The following ASPRV1 variants were observed in gnomAD, a reference collection of about 807,000 sequenced individuals.
ASPRV1 encodes the protein aspartic peptidase retroviral like 1, also known as retroviral-like aspartic protease 1.
ASPRV1 carries 7 observed loss-of-function variants against 11.0 expected under a neutral mutation model. That is an observed-to-expected ratio of 0.64 (90% CI 0.36 to 1.20). The LOEUF (loss-of-function observed/expected upper bound fraction) is 1.20. Ranked by LOEUF, ASPRV1 falls within the 50% of genes most tolerant of loss-of-function variation. The probability of loss-of-function intolerance (pLI) is 0.02; values close to 1 mark genes in which losing one functional copy is unlikely to be tolerated. For missense variants in ASPRV1, 299 were observed against 320.0 expected (o/e 0.93, Z 0.50); for synonymous variants, 136 against 138.4 (o/e 0.98, Z 0.12).
chr2:69,961,271 C>T lies in ASPRV1; in HGVS notation c.166G>A (p.Glu56Lys). 6.2e-7 allele frequency: 1 copy of T among 1,614,146 alleles called. No individual in the cohort carries two copies. The highest frequency in any genetic ancestry group is 8.5e-7 in the Non-Finnish European group (1 of 1,180,012). The change falls in exon 1 of 1, where the codon GAG becomes AAG. Residue 56 changes from glutamate (E) to lysine (K), a missense_variant. Coordinates refer to ENST00000320256, the MANE Select transcript of ASPRV1 (RefSeq NM_152792.4). ...DHITKLRFLK[E>K]SLRGEALGVY... ...CCCAGGGCCTCTCCTCTGAGGGACT[C>T]TTTCAGGAACCTTAGCTTGGTGATA...
At chr2:69,978,306 G>C in the ASPRV1 span, among the ~76,000 whole-genome samples, 1 of 152,192 alleles carries the variant, frequency 6.6e-6, no homozygotes, top group African/African-American at 2.4e-5. Context: ...TTCCCAGGCT[G>C]GTTCTGAGCG....
chr2:70,035,506 T>TCA, the ASPRV1 span, among the ~76,000 whole-genome samples: 3 of 151,906 alleles, frequency 2.0e-5, no homozygotes, highest in African/African-American at 7.2e-5. Context: ...CTTCACTCAC[T>TCA]CACTCATTTA....
the ASPRV1 span, among the ~76,000 whole-genome samples, chr2:70,063,144 A>C: frequency 1.3e-5 from 2 of 152,156 alleles, no homozygotes; most frequent in Admixed American, 1.3e-4. Flanking sequence ...TCAGCCTGCA[A>C]AAGAGCTCTG....
downstream of ASPRV1, among the ~76,000 whole-genome samples, chr2:69,956,486 A>AGAAGAAGAAGAAGAAGAAGAGAG (rs1558579541): frequency 1.3e-5 from 2 of 150,984 alleles, no homozygotes; most frequent in African/African-American, 4.9e-5. Context: ...GAAAAGAGGA[A>AGAAGAAGAAGAAGAAGAAGAGAG]GAAGAAGAAG....
chr2:70,036,624 A>G, the ASPRV1 span, among the ~76,000 whole-genome samples: 2 of 152,168 alleles, frequency 1.3e-5, no homozygotes, highest in Non-Finnish European at 2.9e-5. Context: ...TCTAAAACAC[A>G]CAGGATTCTG....
chr2:70,057,748 G>A, the ASPRV1 span, among the ~76,000 whole-genome samples: 3 of 151,804 alleles, frequency 2.0e-5, no homozygotes, highest in African/African-American at 7.3e-5. Context: ...CAAAGTGCTG[G>A]GATTATAGGC....
the ASPRV1 span, among the ~76,000 whole-genome samples, chr2:70,065,115 A>C: frequency 3.3e-5 from 5 of 151,054 alleles, no homozygotes; most frequent in Non-Finnish European, 7.4e-5. Context: ...AAAACAAAAC[A>C]AAAAAAAGGC....
At position 69,960,595 on chromosome 2, in the gene ASPRV1, A is replaced by ACC. The variant is rs139486708; in HGVS notation, c.*60_*61dup. 1.1e-5 allele frequency: 16 copies of ACC among 1,498,220 alleles called. No homozygotes were observed. Among genetic ancestry groups the ACC allele is most frequent in the Non-Finnish European group, 1.3e-5 (14 of 1,113,800 alleles). The allele number at this position is 1,498,220 out of a possible 1,614,324, so 92.8% of individuals were successfully genotyped here. ...CCAGTGACCCCCATGAGGATATGCA[A>ACC]CCCCCCCCACAGCGGTGGGTCTTCC... On this transcript the variant is annotated 3_prime_UTR_variant, in exon 1 of 1. Transcript: ENST00000320256.
chr2:70,028,993 A>G, the ASPRV1 span, among the ~76,000 whole-genome samples: 1 of 152,188 alleles, frequency 6.6e-6, no homozygotes, highest in Non-Finnish European at 1.5e-5. Flanking sequence ...CAACCCTGGC[A>G]CCTAAACTTC....
the ASPRV1 span, among the ~76,000 whole-genome samples, chr2:70,067,274 C>T: frequency 3.3e-5 from 5 of 152,066 alleles, no homozygotes; most frequent in African/African-American, 9.7e-5. Context: ...GGGCTTTAGC[C>T]GCTGCATACT....
the ASPRV1 span, among the ~76,000 whole-genome samples, chr2:69,949,294 TGAAC>T: frequency 2.0e-5 from 3 of 150,834 alleles, no homozygotes; most frequent in Admixed American, 6.7e-5. Flanking sequence ...AATGAACGAA[TGAAC>T]GAACGAATTA....
At chr2:69,964,940 C>T (rs1003937421), upstream of ASPRV1, among the ~76,000 whole-genome samples, 8 of 152,244 alleles carry the variant, frequency 5.3e-5, no homozygotes, top group Non-Finnish European at 7.4e-5. Flanking sequence ...TTGGGCAAAT[C>T]AAGACAAGCC....
At position 69,961,214 on chromosome 2, in the gene ASPRV1, C is replaced by T; in HGVS notation, c.223G>A (p.Gly75Arg). 1 of 1,614,066 alleles carries T rather than the reference C, an allele frequency of 6.2e-7. No individual in the cohort carries two copies. The highest frequency in any genetic ancestry group is 8.5e-7 in the Non-Finnish European group (1 of 1,179,954). ...GCCTCTTTCACAGTCCCATAGTCTC[C>T]CTGGTCCTGGGGACTGAGCCTATTG... ...VYNRLSPQDQ[G>R]DYGTVKEALL... is the part of the protein sequence containing the mutation. The change falls in exon 1 of 1, where the codon GGA (glycine) becomes AGA (arginine). Residue 75 changes from glycine to arginine, a missense_variant. Coordinates refer to ENST00000320256, the MANE Select transcript of ASPRV1 (RefSeq NM_152792.4).
chr2:69,979,423 C>T, the ASPRV1 span, among the ~76,000 whole-genome samples: 1 of 152,152 alleles, frequency 6.6e-6, no homozygotes, highest in Non-Finnish European at 1.5e-5. Context: ...TCCTTGTAGT[C>T]TCTGAGGGAA....
chr2:70,067,258 G>C, the ASPRV1 span, among the ~76,000 whole-genome samples: 4,652 of 152,280 alleles, frequency 0.031, 255 homozygotes, highest in African/African-American at 0.11. Flanking sequence ...ATCATTACTG[G>C]GTTTGGGGCT....
At chr2:69,972,539 G>A in the ASPRV1 span, among the ~76,000 whole-genome samples, 1 of 151,844 alleles carries the variant, frequency 6.6e-6, no homozygotes, top group Non-Finnish European at 1.5e-5. Context: ...TGTAATTTTA[G>A]TAGAGACGGG....
At chr2:70,086,130 A>C in the ASPRV1 span, 1 of 152,190 alleles carries the variant, frequency 6.6e-6, no homozygotes, top group South Asian at 2.1e-4. Flanking sequence ...CGACCTTCAG[A>C]CCAGCCTGTG....
the ASPRV1 span, among the ~76,000 whole-genome samples, chr2:70,021,253 A>G: frequency 6.6e-6 from 1 of 151,592 alleles, no homozygotes. Context: ...TTAAAGTTGT[A>G]TAGTATTCCA....
chr2:70,059,225 T>G, the ASPRV1 span, among the ~76,000 whole-genome samples: 1 of 151,292 alleles, frequency 6.6e-6, no homozygotes, highest in African/African-American at 2.4e-5. Context: ...CCTCTTTCAC[T>G]TCAGTGTCTC....
Sources: allele counts gnomAD v4.1 joint callset (sites outside exome capture counted in the v4.1 genomes callset), GRCh38; gene constraint gnomAD v4.1.1; transcripts MANE v1.5; gene names NCBI Gene and HGNC (gene_info 2026-07-23, HGNC 2026-07-21).